Variants in ARHGAP6 observed in about 807,000 individuals in gnomAD.
ARHGAP6 encodes the protein Rho GTPase activating protein 6, also known as rho GTPase-activating protein 6.
In ARHGAP6, 16 loss-of-function variants were observed where a neutral mutation model predicts 55.7. The ratio of observed to expected loss-of-function variants is 0.29; its 90% CI spans 0.19 to 0.44. ARHGAP6 has a LOEUF of 0.44. ARHGAP6 is among the 20% of genes least tolerant of loss of function. The probability of loss-of-function intolerance (pLI) is 1.00; values close to 1 mark genes in which losing one functional copy is unlikely to be tolerated. For synonymous variants in ARHGAP6, 382 were observed against 360.9 expected (o/e 1.06, Z -0.66); for missense variants, 698 against 808.9 (o/e 0.86, Z 1.66).
At chrX:11,314,479 AT>A (rs757567251) in intron 1 of ARHGAP6, among the ~76,000 whole-genome samples, 1 of 112,367 alleles carries the variant, frequency 8.9e-6, no homozygotes, top group Admixed American at 9.4e-5. Flanking sequence ...TTTTAGAAAA[AT>A]TTGCAATAGA....
intron 1 of ARHGAP6, among the ~76,000 whole-genome samples, chrX:11,471,337 A>C (rs1332862780): frequency 8.9e-6 from 1 of 112,334 alleles, no homozygotes; most frequent in Admixed American, 9.4e-5. Context: ...TCTTCTTAAA[A>C]AATCACTTGA....
intron 10 of ARHGAP6, among the ~76,000 whole-genome samples, chrX:11,150,371 C>T (rs547792194): frequency 3.0e-4 from 33 of 110,698 alleles, no homozygotes; most frequent in Non-Finnish European, 5.1e-4. Context: ...ACTTAGGGGC[C>T]CGAGATGCCT....
intron 1 of ARHGAP6, among the ~76,000 whole-genome samples, chrX:11,394,732 T>A (rs1273168151): frequency 9.0e-6 from 1 of 110,647 alleles, no homozygotes; most frequent in Non-Finnish European, 1.9e-5. Flanking sequence ...TGTTACTACT[T>A]ATTTAGTATT....
intron 1 of ARHGAP6, among the ~76,000 whole-genome samples, chrX:11,573,728 C>T (rs2051560033): frequency 9.0e-6 from 1 of 110,610 alleles, no homozygotes; most frequent in Non-Finnish European, 1.9e-5. Context: ...TGAAGAAAGG[C>T]ATTGGTAGCT....
chrX:11,253,903 CAA>C (rs375631926), intron 2 of ARHGAP6, among the ~76,000 whole-genome samples: 13 of 66,302 alleles, frequency 2.0e-4, no homozygotes, highest in African/African-American at 3.5e-4. Flanking sequence ...GACTCCATCT[CAA>C]AAAAAAAAAA....
Position 11,343,691 on chromosome X carries a change from C to T in ARHGAP6, c.589-88984G>A, listed in dbSNP as rs1280078200. On this transcript the variant is annotated intron_variant, in intron 1 of 12. Transcript: ENST00000337414. ...TGACTAGGCACTCTGGAGATGAGGC[C>T]GGCAATCAGTATTTTAACAAGCCCT... 8.1e-5 allele frequency among the ~76,000 whole-genome samples: 9 copies of T among 111,373 alleles called. 1 individual carries two copies. The highest frequency in any genetic ancestry group is 1.7e-4 in the Non-Finnish European group (9 of 53,073).
chrX:11,441,979 C>T (rs1233446989), intron 1 of ARHGAP6, among the ~76,000 whole-genome samples: 3 of 109,907 alleles, frequency 2.7e-5, no homozygotes, highest in African/African-American at 1.0e-4. Flanking sequence ...CATATACAGT[C>T]TAAGAAACAT....
intron 1 of ARHGAP6, among the ~76,000 whole-genome samples, chrX:11,572,442 G>T (rs1338898095): frequency 9.1e-6 from 1 of 110,056 alleles, no homozygotes; most frequent in African/African-American, 3.3e-5. Context: ...CAAGGTGTTT[G>T]GTTTTTTGTT....
chrX:11,372,265 A>G (rs945997157), intron 1 of ARHGAP6, among the ~76,000 whole-genome samples: 2 of 112,180 alleles, frequency 1.8e-5, no homozygotes, highest in Non-Finnish European at 3.8e-5. Context: ...TAAAGTATAT[A>G]CTGACTATAT....
intron 1 of ARHGAP6, among the ~76,000 whole-genome samples, chrX:11,278,383 G>C (rs996092484): frequency 2.7e-5 from 3 of 111,140 alleles, no homozygotes; most frequent in African/African-American, 9.8e-5. Context: ...ATAGAATAAT[G>C]ATCTAAGAGA....
chrX:11,204,272 T>C (rs1321689555), intron 2 of ARHGAP6, among the ~76,000 whole-genome samples: 6 of 112,061 alleles, frequency 5.4e-5, no homozygotes. Context: ...CACGCAGCAA[T>C]TCACTTTATA....
chrX:11,354,295 T>TTTCTCTCTC (rs2048900645), intron 1 of ARHGAP6, among the ~76,000 whole-genome samples: 3 of 41,050 alleles, frequency 7.3e-5, no homozygotes, highest in Non-Finnish European at 1.2e-4. Flanking sequence ...CTCTCTCTCT[T>TTTCTCTCTC]TCTCTCTCTC....
chrX:11,609,408 G>A (rs1330455875), intron 1 of ARHGAP6, among the ~76,000 whole-genome samples: 2 of 112,011 alleles, frequency 1.8e-5, no homozygotes, highest in East Asian at 5.6e-4. Context: ...CTAGACAGGA[G>A]GGAGCTATGG....
At chrX:11,636,837 A>G (rs927323666) in intron 1 of ARHGAP6, among the ~76,000 whole-genome samples, 2 of 111,943 alleles carry the variant, frequency 1.8e-5, no homozygotes, top group African/African-American at 6.5e-5. Context: ...TCTTGTCATC[A>G]CAAGAGAAGC....
intron 8 of ARHGAP6, among the ~76,000 whole-genome samples, chrX:11,170,331 G>T (rs1285723902): frequency 9.0e-6 from 1 of 111,523 alleles, no homozygotes; most frequent in Non-Finnish European, 1.9e-5. Flanking sequence ...TGGGCTAGGG[G>T]GTAATTTTAC....
chrX:11,360,625 C>T (rs1161874236), intron 1 of ARHGAP6, among the ~76,000 whole-genome samples: 2 of 108,186 alleles, frequency 1.8e-5, no homozygotes, highest in Non-Finnish European at 1.9e-5. Flanking sequence ...CTCACCACTC[C>T]TATTCAACAT....
chrX:11,215,343 C>G (rs146170289), intron 2 of ARHGAP6, among the ~76,000 whole-genome samples: 1 of 112,861 alleles, frequency 8.9e-6, no homozygotes, highest in African/African-American at 3.2e-5. Context: ...CAGGGCCGAG[C>G]TCTGTCTCAA....
At chrX:11,186,524 AC>A (rs2046388275) in intron 4 of ARHGAP6, 93 bp from the exon 5 acceptor site, 1 of 565,505 alleles carries the variant, frequency 1.8e-6, no homozygotes, top group Admixed American at 3.2e-5. Context: ...TTTGCTCATG[AC>A]TCTTTATCAC....
intron 1 of ARHGAP6, among the ~76,000 whole-genome samples, chrX:11,619,747 C>A (rs891194813): frequency 8.9e-6 from 1 of 112,096 alleles, no homozygotes; most frequent in Admixed American, 9.5e-5. Flanking sequence ...TTGTCCTCCC[C>A]GCTTTCCTAT....
Sources: allele counts gnomAD v4.1 joint callset (sites outside exome capture counted in the v4.1 genomes callset), GRCh38; gene constraint gnomAD v4.1.1; transcripts MANE v1.5; gene names NCBI Gene and HGNC (gene_info 2026-07-23, HGNC 2026-07-21).